Variants in F8 observed in about 807,000 individuals in gnomAD.
F8 encodes antihemophilic factor.
In F8, 12 loss-of-function variants were observed where a neutral mutation model predicts 140.6. That is an observed-to-expected ratio of 0.09 (90% confidence interval 0.05 to 0.14). The LOEUF (loss-of-function observed/expected upper bound fraction) is 0.14. F8 is among the 10% of genes least tolerant of loss of function. The probability of loss-of-function intolerance (pLI) is 1.00; values close to 1 mark genes in which losing one functional copy is unlikely to be tolerated. For missense variants in F8, 1,354 were observed against 1,720.7 expected, an observed-to-expected ratio of 0.79 and a Z score of 3.77; for synonymous variants, 585 against 614.6, an observed-to-expected ratio of 0.95 and a Z score of 0.71.
At chrX:155,008,615 T>C (rs1212906912) in intron 1 of F8, among the ~76,000 whole-genome samples, 5 of 111,394 alleles carry the variant, frequency 4.5e-5, no homozygotes, top group Non-Finnish European at 9.4e-5. Flanking sequence ...TCCCAGCCAT[T>C]GGGTGTGGGA....
Position 154,904,353 on chromosome X carries a change from C to A in F8, c.5758G>T (p.Ala1920Ser). Reference sequence around the variant, plus strand: ...TCTTCCATCTGGATATTGCAGGGAGCCCTGCAGTTTCTTTCCATATTTTCA... The same window carrying A: ...TCTTCCATCTGGATATTGCAGGGAGACCTGCAGTTTCTTTCCATATTTTCA... Reference protein sequence around the residue: ...FTENMERNCRAPCNIQMEDPT... With the variant: ...FTENMERNCRSPCNIQMEDPT... The change falls in exon 17 of 26, where the codon GCT (alanine) becomes TCT (serine). Residue 1920 changes from alanine to serine, a missense_variant. Around this residue, in one of 4 missense-constraint regions of F8, gnomAD observed 316 missense variants for 485.4 expected, o/e 0.65. Coordinates refer to ENST00000360256, the MANE Select transcript of F8 (RefSeq NM_000132.4). 1 of 1,211,509 alleles carries A rather than the reference C, an allele frequency of 8.3e-7. No homozygotes were observed.
At chrX:154,848,951 C>T (rs2072592873) in intron 25 of F8, among the ~76,000 whole-genome samples, 1 of 111,696 alleles carries the variant, frequency 9.0e-6, no homozygotes, top group African/African-American at 3.3e-5. Flanking sequence ...TTTGCAATTT[C>T]AAGGTGCTAT....
chrX:154,971,439 G>A (rs1242095793), intron 6 of F8, among the ~76,000 whole-genome samples: 1 of 110,813 alleles, frequency 9.0e-6, no homozygotes, highest in Non-Finnish European at 1.9e-5. Context: ...AAATTTATGG[G>A]TACAATGTGA....
At position 154,964,445 on chromosome X, in the gene F8, A is replaced by G. The variant is rs781995828; in HGVS notation, c.1443+1525T>C. On this transcript the variant is annotated intron_variant, in intron 9 of 25. Coordinates refer to ENST00000360256, the MANE Select transcript of F8 (RefSeq NM_000132.4). The stretch of plus-strand genomic sequence containing the variant: ...TAATAGCTAATAAAAATTTTGAAGA[A>G]GTACAATGAAAGAAGATGTCATACA... Among the ~76,000 whole-genome samples, 10 of 112,343 alleles carry G rather than the reference A, an allele frequency of 8.9e-5. No individual in the cohort carries two copies. The East Asian group carries it at 2.8e-3, about 31-fold the overall frequency.
chrX:154,993,117 C>T lies in F8; in HGVS notation c.420G>A (p.Arg140=), dbSNP rs2073597725. ...GGAAGACTTTATCATCTTCTTTCTC[C>T]CTTTGACTGGTCTGATCATCATATT... ...GAEYDDQTSQ[R]EKEDDKVFPG... The change falls in exon 4 of 26, where the codon AGG becomes AGA. Residue 140 remains arginine (R), a synonymous_variant. Transcript: ENST00000360256. The T allele has an allele frequency of 8.3e-7, 1 of 1,209,950 alleles. No individual in the cohort carries two copies. Among genetic ancestry groups the T allele is most frequent in the African/African-American group, 1.7e-5 (1 of 57,284 alleles).
chrX:154,971,372 T>A (rs1368794060), intron 6 of F8, among the ~76,000 whole-genome samples: 1 of 111,684 alleles, frequency 9.0e-6, no homozygotes, highest in Non-Finnish European at 1.9e-5. Context: ...TTTATCCTAA[T>A]GGGCAATTTT....
At chrX:155,003,134 A>C (rs2073656040) in intron 1 of F8, among the ~76,000 whole-genome samples, 1 of 112,315 alleles carries the variant, frequency 8.9e-6, no homozygotes, top group Non-Finnish European at 1.9e-5. Flanking sequence ...TATGGCAGGA[A>C]TGTCATAATT....
chrX:155,019,655 A>T (rs2073750535), intron 1 of F8, among the ~76,000 whole-genome samples: 1 of 110,455 alleles, frequency 9.1e-6, no homozygotes, highest in Non-Finnish European at 1.9e-5. Flanking sequence ...TTTTCCGGGC[A>T]TGGTGGCCTG....
At chrX:154,904,668 G>T in intron 16 of F8, 143 bp downstream of exon 16, 1 of 749,464 alleles carries the variant, frequency 1.3e-6, no homozygotes, top group Non-Finnish European at 2.0e-6. Context: ...ATTCCAGAAT[G>T]ACATTTCTAA....
At chrX:154,984,892 G>T in intron 5 of F8, 89 bp from the exon 6 acceptor site, 1 of 705,192 alleles carries the variant, frequency 1.4e-6, no homozygotes, top group Non-Finnish European at 2.3e-6. Context: ...CTCCCAGTGT[G>T]CTCACACCTT....
intron 12 of F8, among the ~76,000 whole-genome samples, chrX:154,952,963 T>G (rs1272535170): frequency 8.9e-6 from 1 of 112,081 alleles, no homozygotes; most frequent in Non-Finnish European, 1.9e-5. Flanking sequence ...ACTATACTAC[T>G]TATCCACTAA....
chrX:154,993,054 T>C lies in F8; in HGVS notation c.483A>G (p.Lys161=), dbSNP rs782672939. The C allele has an allele frequency of 5.0e-6, 6 of 1,211,693 alleles. No homozygotes were observed. The highest frequency in any genetic ancestry group is 6.7e-6 in the Non-Finnish European group (6 of 895,269). The change falls in exon 4 of 26, where the codon AAA becomes AAG. Residue 161 remains lysine, a synonymous_variant. Transcript: ENST00000360256. ...GGTCAGAGGCCATTGGACCATTCTC[T>C]TTCAGGACCTGCCAGACATATGTAT... The part of the protein sequence containing the change: ...GSHTYVWQVL[K]ENGPMASDPL...
intron 1 of F8, among the ~76,000 whole-genome samples, chrX:155,009,741 T>A (rs988281110): frequency 2.9e-4 from 32 of 109,354 alleles, no homozygotes; most frequent in Non-Finnish European, 1.9e-4. Context: ...TCTCAAAAAA[T>A]AAATAAATAA....
At chrX:155,018,437 G>A (rs2073745477) in intron 1 of F8, among the ~76,000 whole-genome samples, 2 of 109,473 alleles carry the variant, frequency 1.8e-5, no homozygotes, top group African/African-American at 6.7e-5. Flanking sequence ...CACAGTTAAT[G>A]AATCAATAGC....
chrX:154,911,552 CTGAG>C (rs2073067909), intron 14 of F8, among the ~76,000 whole-genome samples: 1 of 111,780 alleles, frequency 8.9e-6, no homozygotes, highest in Non-Finnish European at 1.9e-5. Flanking sequence ...TTTTTAATGG[CTGAG>C]TAATAGTCTA....
At chrX:154,924,610 G>A (rs914438769) in intron 14 of F8, among the ~76,000 whole-genome samples, 1 of 112,079 alleles carries the variant, frequency 8.9e-6, no homozygotes. Flanking sequence ...ACCCCAGCAG[G>A]GACTCTGTGT....
intron 13 of F8, among the ~76,000 whole-genome samples, chrX:154,935,426 T>A (rs1337641800): frequency 9.0e-6 from 1 of 111,628 alleles, no homozygotes; most frequent in Non-Finnish European, 1.9e-5. Context: ...GATGACTTAA[T>A]GGGAAAAGAA....
intron 6 of F8, among the ~76,000 whole-genome samples, chrX:154,974,413 T>C (rs2124116267): frequency 8.9e-6 from 1 of 112,210 alleles, no homozygotes; most frequent in East Asian, 2.8e-4. Flanking sequence ...TTTTTGTCCT[T>C]CATTCTTAAT....
Position 155,008,430 on chromosome X carries a change from C to A in F8, c.144-8830G>T, listed in dbSNP as rs1164657382. On this transcript the variant is annotated intron_variant, in intron 1 of 25. Transcript: ENST00000360256. ...CCCGCCAGGCTAACCCAGGGCAATG[C>A]AGAGCAGTGGCAGGGAGAGGGGGTG... 4.5e-5 allele frequency among the ~76,000 whole-genome samples: 5 copies of A among 111,549 alleles called. No individual in the cohort carries two copies. The Admixed American group carries it at 4.7e-4, about 10-fold the overall frequency.
Sources: allele counts gnomAD v4.1 joint callset (sites outside exome capture counted in the v4.1 genomes callset), GRCh38; gene constraint gnomAD v4.1.1; regional missense constraint gnomAD v4.1.1; transcripts MANE v1.5; gene names NCBI Gene and HGNC (gene_info 2026-07-23, HGNC 2026-07-21).